The following HSD17B4 variants were observed in gnomAD, a reference collection of about 807,000 sequenced individuals.
The protein encoded by HSD17B4 is peroxisomal multifunctional enzyme type 2.
A neutral mutation model predicts 101.0 loss-of-function variants in HSD17B4; 70 were observed. That is an observed-to-expected ratio of 0.69 (90% CI 0.57 to 0.85). HSD17B4 has a LOEUF of 0.85. Among genes scored for constraint, HSD17B4 ranks in the 40% least tolerant of loss-of-function variants. HSD17B4 has a pLI of 0.00. For missense variants in HSD17B4, 984 were observed against 892.4 expected, an observed-to-expected ratio of 1.10 and a Z score of -1.31; for synonymous variants, 347 against 297.1, an observed-to-expected ratio of 1.17 and a Z score of -1.73.
chr5:119,531,395 G>A lies in HSD17B4; in HGVS notation c.1984G>A (p.Ala662Thr). ...WHITKGGNIG[A>T]KWTIDLKSGS... Reference sequence around the variant, plus strand: ...TATAACCAAAGGCGGAAATATTGGGGCTAAGTGGAGTAAGTTATAGCCCTG... The same window carrying A: ...TATAACCAAAGGCGGAAATATTGGGACTAAGTGGAGTAAGTTATAGCCCTG... Residue 662 changes from alanine to threonine, a missense_variant, in exon 22 of 24, where the codon GCT becomes ACT. By Grantham distance (58) the Ala-to-Thr change is moderately conservative. Transcript: ENST00000510025. 1.2e-6 allele frequency: 2 copies of A among 1,612,968 alleles called. No individual in the cohort carries two copies. Among genetic ancestry groups the A allele is most frequent in the African/African-American group, 1.3e-5 (1 of 74,988 alleles).
At chr5:119,511,821 C>T (rs1391668939) in intron 16 of HSD17B4, among the ~76,000 whole-genome samples, 1 of 152,184 alleles carries the variant, frequency 6.6e-6, no homozygotes, top group Non-Finnish European at 1.5e-5. Flanking sequence ...AATCTATTAT[C>T]TGAAATGCCC....
chr5:119,516,848 C>T (rs1386830642), intron 17 of HSD17B4, among the ~76,000 whole-genome samples: 1 of 152,206 alleles, frequency 6.6e-6, no homozygotes, highest in Non-Finnish European at 1.5e-5. Flanking sequence ...TGTTTAAATA[C>T]AAGGCTTTGA....
At chr5:119,530,862 AAC>A (rs1491004974) in intron 21 of HSD17B4, among the ~76,000 whole-genome samples, 79 of 118,484 alleles carry the variant, frequency 6.7e-4, no homozygotes, top group African/African-American at 2.1e-3. Flanking sequence ...AAAAAAAAAA[AAC>A]AAAAAACAAA....
intron 17 of HSD17B4, among the ~76,000 whole-genome samples, chr5:119,522,139 A>C (rs537353543): frequency 2.6e-5 from 4 of 151,542 alleles, no homozygotes; most frequent in Non-Finnish European, 5.9e-5. Flanking sequence ...CCTGTGTCCA[A>C]GTGTTCTCAT....
At chr5:119,530,085 A>G (rs1398509033) in intron 21 of HSD17B4, 105 bp downstream of exon 21, 11 of 754,974 alleles carry the variant, frequency 1.5e-5, no homozygotes, top group South Asian at 9.9e-5. Context: ...CAACCATGAA[A>G]CTATTCTTAA....
rs1295328112 is a variant in HSD17B4 at position 119,536,410 on chromosome 5, C to T, written c.1994-13C>T. The T allele has an allele frequency of 1.2e-6, 2 of 1,611,208 alleles. No homozygotes were observed. Among genetic ancestry groups the T allele is most frequent in the Non-Finnish European group, 1.7e-6 (2 of 1,177,822 alleles). On this transcript the variant is annotated splice_polypyrimidine_tract_variant and intron_variant, in intron 22 of 23. Transcript: ENST00000510025. ...GAAAAAGATACACATTGGTTTCTTC[C>T]TATTTTTCCCAGCTATTGACCTGAA...
chr5:119,463,622 A>G (rs1347534523), intron 2 of HSD17B4, among the ~76,000 whole-genome samples: 3 of 77,586 alleles, frequency 3.9e-5, no homozygotes, highest in African/African-American at 1.3e-4. Flanking sequence ...GATGTTGAAC[A>G]TTTTTTCATA....
chr5:119,489,195 T>C lies in HSD17B4; in HGVS notation c.626T>C (p.Leu209Pro). The change falls in exon 9 of 24, where the codon CTT becomes CCT. Residue 209 changes from leucine to proline, a missense_variant. Physicochemically the swap from Leu to Pro is moderately conservative, Grantham distance 98. Coordinates refer to ENST00000510025, the MANE Select transcript of HSD17B4 (RefSeq NM_000414.4). ...RMTQTVMPED[L>P]VEALKPEYVA... ...ATGTGTATATTCTTTATTTCAGATC[T>C]TGTGGAAGCCCTGAAGCCAGAGTAT... 6.2e-7 allele frequency: 1 copy of C among 1,600,712 alleles called. No homozygotes were observed. Among genetic ancestry groups the C allele is most frequent in the East Asian group, 2.2e-5 (1 of 44,758 alleles).
rs1263955428 is a variant in HSD17B4 at position 119,482,845 on chromosome 5, T to C, written c.622+3824T>C. Among the ~76,000 whole-genome samples the C allele has an allele frequency of 2.0e-5, 3 of 152,032 alleles. No homozygotes were observed. The South Asian group carries it at 6.2e-4, about 32-fold the overall frequency. The stretch of plus-strand genomic sequence containing the variant: ...TGTACCCTTATTATTAAATCTCCAT[T>C]TTTTGAGTGGGTCAGAGTCCTGGGT... On this transcript the variant is annotated intron_variant, in intron 8 of 23. Transcript: ENST00000510025.
At chr5:119,454,567 C>T (rs1283986949) in intron 1 of HSD17B4, among the ~76,000 whole-genome samples, 1 of 151,782 alleles carries the variant, frequency 6.6e-6, no homozygotes, top group Non-Finnish European at 1.5e-5. Context: ...GGATTAAATT[C>T]TAAAATAAGT....
intron 2 of HSD17B4, chr5:119,464,621 C>T (rs1374816677): frequency 6.6e-6 from 1 of 151,852 alleles, no homozygotes; most frequent in Non-Finnish European, 1.5e-5. Flanking sequence ...GAGACAGCAT[C>T]TCGCTCTGTC....
At chr5:119,492,416 C>T in intron 10 of HSD17B4, 2 of 373,148 alleles carry the variant, frequency 5.4e-6, no homozygotes, top group Non-Finnish European at 9.8e-6. Flanking sequence ...TATTGATAAT[C>T]ATCCTCCCAT....
At chr5:119,471,774 T>C (rs1756393355) in intron 2 of HSD17B4, 1 of 768,558 alleles carries the variant, frequency 1.3e-6, no homozygotes, top group Non-Finnish European at 2.1e-6. Context: ...TTTTTGCATG[T>C]TATTTTGTAA....
At chr5:119,513,123 T>C (rs1376200627) in intron 16 of HSD17B4, among the ~76,000 whole-genome samples, 1 of 152,224 alleles carries the variant, frequency 6.6e-6, no homozygotes, top group Non-Finnish European at 1.5e-5. Context: ...TAAATGGGTA[T>C]TATTTACGTG....
intron 17 of HSD17B4, among the ~76,000 whole-genome samples, chr5:119,518,077 C>T (rs1222723988): frequency 6.6e-6 from 1 of 152,104 alleles, no homozygotes. Context: ...AAGCAGGCTG[C>T]CCAAGCCAGC....
chr5:119,472,221 C>T (rs992772233), intron 2 of HSD17B4, among the ~76,000 whole-genome samples: 1 of 152,090 alleles, frequency 6.6e-6, no homozygotes, highest in Non-Finnish European at 1.5e-5. Context: ...TAAGCTCATG[C>T]GTGTTTCTTT....
chr5:119,522,165 T>C (rs1680753904), intron 17 of HSD17B4, among the ~76,000 whole-genome samples: 1 of 152,074 alleles, frequency 6.6e-6, no homozygotes, highest in Non-Finnish European at 1.5e-5. Context: ...AATTCCCACG[T>C]ATGAGTGAGA....
intron 22 of HSD17B4, among the ~76,000 whole-genome samples, chr5:119,534,464 A>C (rs1319652539): frequency 6.6e-6 from 1 of 152,018 alleles, no homozygotes; most frequent in Non-Finnish European, 1.5e-5. Context: ...GACATTTGCC[A>C]CAGTATGTAA....
chr5:119,516,659 T>G (rs1752638455), intron 17 of HSD17B4, among the ~76,000 whole-genome samples: 1 of 152,230 alleles, frequency 6.6e-6, no homozygotes, highest in Admixed American at 6.5e-5. Flanking sequence ...AAAAACATTT[T>G]GCATAAAACT....
Sources: gnomAD v4.1 joint callset for allele counts (sites outside exome capture counted in the v4.1 genomes callset) on GRCh38, gnomAD v4.1.1 for gene constraint, MANE v1.5 for transcripts, NCBI Gene and HGNC (gene_info 2026-07-23, HGNC 2026-07-21) for gene names.